Variants in LRGUK observed in about 807,000 individuals in gnomAD.
LRGUK encodes leucine-rich repeat and guanylate kinase domain-containing protein.
A neutral mutation model predicts 76.0 loss-of-function variants in LRGUK; 65 were observed. That is an observed-to-expected ratio of 0.85 (90% CI 0.70 to 1.05). The LOEUF is 1.05. Ranked by LOEUF, LRGUK falls within the 50% of genes least tolerant of loss-of-function variation. The pLI, the probability that LRGUK is intolerant of heterozygous loss-of-function variation, is 0.00. For synonymous variants in LRGUK, 268 were observed against 265.6 expected, an observed-to-expected ratio of 1.01 and a Z score of -0.09; for missense variants, 758 against 732.8, an observed-to-expected ratio of 1.03 and a Z score of -0.40.
chr7:134,261,923 A>G (rs1802737104), intron 19 of LRGUK, among the ~76,000 whole-genome samples: 2 of 152,214 alleles, frequency 1.3e-5, no homozygotes, highest in South Asian at 4.1e-4. Context: ...GATTTGGCCT[A>G]TGTGCCATAG....
intron 10 of LRGUK, among the ~76,000 whole-genome samples, chr7:134,181,415 G>GT (rs1456208996): frequency 2.7e-5 from 4 of 150,538 alleles, no homozygotes; most frequent in Non-Finnish European, 4.4e-5. Flanking sequence ...CTAATTGGAA[G>GT]TTTTTTTCTT....
chr7:134,147,221 C>A lies in LRGUK; in HGVS notation c.589-1017C>A, dbSNP rs150677395. Among the ~76,000 whole-genome samples the A allele has an allele frequency of 2.7e-4, 41 of 152,052 alleles. 1 individual carries two copies. The highest frequency in any genetic ancestry group is 8.2e-4 in the African/African-American group (34 of 41,478). ...AGGTTGGTCAGGAGATCGAGACCAT[C>A]CTGGCTAACACAGTGAAACCCTGTC... On this transcript the variant is annotated intron_variant, in intron 4 of 15. Coordinates refer to ENST00000645682, the Ensembl canonical transcript of LRGUK.
chr7:134,199,662 A>G (rs1800667737), intron 14 of LRGUK, among the ~76,000 whole-genome samples: 1 of 152,014 alleles, frequency 6.6e-6, no homozygotes, highest in South Asian at 2.1e-4. Flanking sequence ...AGCCTGAACT[A>G]AGTTCATTTT....
chr7:134,209,535 G>A (rs1200672505), exon 16 of LRGUK: 11 of 399,058 alleles, frequency 2.8e-5, no homozygotes, highest in Admixed American at 2.2e-4. Context: ...CCTAGAAGCC[G>A]GCTGGCTCCC....
At chr7:134,263,920 G>T in exon 20 of LRGUK, 3 of 1,612,302 alleles carry the variant, frequency 1.9e-6, no homozygotes, top group East Asian at 2.2e-5. Flanking sequence ...GTCATCAGTC[G>T]CCCAGGTTCC....
At chr7:134,181,093 G>T (rs1279841191) in intron 10 of LRGUK, among the ~76,000 whole-genome samples, 1 of 152,054 alleles carries the variant, frequency 6.6e-6, no homozygotes. Flanking sequence ...CAATTCTCTG[G>T]CTAACTACAT....
At position 134,184,134 on chromosome 7, in the gene LRGUK, A is replaced by T. The variant is rs181795015; in HGVS notation, c.1334+281A>T. Among the ~76,000 whole-genome samples, 3 of 152,270 alleles carry T rather than the reference A, an allele frequency of 2.0e-5. No individual in the cohort carries two copies. The East Asian group carries it at 5.8e-4, about 29-fold the overall frequency. ...TTATTGATAAAATTGGATCAATGTG[A>T]TTACCTGGTTCTGGAACGATAGAAT... is the stretch of plus-strand genomic sequence containing the variant. On this transcript the variant is annotated intron_variant, in intron 11 of 15. Transcript: ENST00000645682.
chr7:134,135,601 C>G (rs1797490279), intron 1 of LRGUK, among the ~76,000 whole-genome samples: 1 of 152,202 alleles, frequency 6.6e-6, no homozygotes, highest in African/African-American at 2.4e-5. Flanking sequence ...TCCCCAAAGT[C>G]ACACATCCAA....
intron 15 of LRGUK, among the ~76,000 whole-genome samples, chr7:134,202,648 T>C (rs1448489078): frequency 6.6e-6 from 1 of 152,210 alleles, no homozygotes; most frequent in African/African-American, 2.4e-5. Context: ...ATGCTACACA[T>C]AGATGAACCT....
At chr7:134,153,377 A>T (rs546013982) in intron 5 of LRGUK, among the ~76,000 whole-genome samples, 48 of 152,296 alleles carry the variant, frequency 3.2e-4, no homozygotes, top group Middle Eastern at 3.4e-3. Flanking sequence ...TAATTATCCT[A>T]AATTGCAATA....
intron 18 of LRGUK, among the ~76,000 whole-genome samples, chr7:134,251,092 T>A (rs1802432900): frequency 6.6e-6 from 1 of 152,288 alleles, no homozygotes; most frequent in Admixed American, 6.5e-5. Context: ...GTGTTATGGT[T>A]TGAGCTGTCC....
downstream of LRGUK, chr7:134,210,397 T>G (rs937825604): frequency 2.5e-6 from 1 of 396,310 alleles, no homozygotes; most frequent in African/African-American, 2.1e-5. Flanking sequence ...AAAAACATAA[T>G]TCCAGGAAAA....
At chr7:134,203,291 C>T (rs1401141530) in intron 15 of LRGUK, among the ~76,000 whole-genome samples, 1 of 152,100 alleles carries the variant, frequency 6.6e-6, no homozygotes, top group African/African-American at 2.4e-5. Flanking sequence ...ATGGACTGAA[C>T]CCCATTCACA....
intron 7 of LRGUK, among the ~76,000 whole-genome samples, chr7:134,172,961 T>C (rs990837287): frequency 2.6e-5 from 4 of 151,890 alleles, no homozygotes; most frequent in Non-Finnish European, 4.4e-5. Flanking sequence ...CACCCCAGCA[T>C]GGGTGACAGA....
chr7:134,199,313 A>T lies in LRGUK; in HGVS notation c.1639A>T (p.Lys547Ter). ...AAAATATGAGGGATATTTGCGGAGA[A>T]AAGGATTATTCAGTCGTGCAGAAAT... The change falls in exon 14 of 16, where the codon AAA becomes TAA. Residue 547 changes from lysine (K) to a stop codon, truncating the protein, a stop_gained. Transcript: ENST00000645682. LOFTEE classifies it high-confidence loss of function. The T allele has an allele frequency of 6.2e-7, 1 of 1,613,888 alleles. No homozygotes were observed. Among genetic ancestry groups the T allele is most frequent in the South Asian group, 1.1e-5 (1 of 91,078 alleles).
At chr7:134,223,829 A>G (rs1801663251) in intron 16 of LRGUK, among the ~76,000 whole-genome samples, 1 of 152,076 alleles carries the variant, frequency 6.6e-6, no homozygotes, top group African/African-American at 2.4e-5. Context: ...GACATGTTGC[A>G]TAGGCTGGCC....
At chr7:134,176,929 T>G (rs747292093) in intron 8 of LRGUK, 48 bp from the exon 9 acceptor site, 6 of 1,152,014 alleles carry the variant, frequency 5.2e-6, no homozygotes, top group Non-Finnish European at 7.7e-6. Context: ...TGCTTGTTGA[T>G]TTGGGAAAAG....
At chr7:134,258,109 G>A in intron 18 of LRGUK, 148 bp from the exon 19 acceptor site, 1 of 933,878 alleles carries the variant, frequency 1.1e-6, no homozygotes, top group South Asian at 1.6e-5. Flanking sequence ...TATAGACACT[G>A]TTGAACACTA....
chr7:134,158,961 C>A (rs181191465), intron 6 of LRGUK, among the ~76,000 whole-genome samples: 1 of 152,088 alleles, frequency 6.6e-6, no homozygotes, highest in Non-Finnish European at 1.5e-5. Context: ...GGTCAGCAGG[C>A]GGGATTTCAA....
Sources: gnomAD v4.1 joint callset for allele counts (sites outside exome capture counted in the v4.1 genomes callset) on GRCh38, gnomAD v4.1.1 for gene constraint, MANE v1.5 for transcripts, NCBI Gene and HGNC (gene_info 2026-07-23, HGNC 2026-07-21) for gene names.